The following ZDHHC17 variants were observed in gnomAD, a reference collection of about 807,000 sequenced individuals.
ZDHHC17 encodes zDHHC palmitoyltransferase 17, also known as palmitoyltransferase ZDHHC17.
A neutral mutation model predicts 90.3 loss-of-function variants in ZDHHC17; 40 were observed. That is an observed-to-expected ratio of 0.44 (90% CI 0.34 to 0.58). The LOEUF (loss-of-function observed/expected upper bound fraction) is 0.58, where lower values mean the gene tolerates loss of function less well. Among genes scored for constraint, ZDHHC17 ranks in the 20% least tolerant of loss-of-function variants. The probability of loss-of-function intolerance (pLI) is 0.01; values close to 1 mark genes in which losing one functional copy is unlikely to be tolerated. For missense variants in ZDHHC17, 614 were observed against 780.8 expected (o/e 0.79, Z 2.55); for synonymous variants, 235 against 252.4 (o/e 0.93, Z 0.65).
chr12:76,811,377 C>G, intron 5 of ZDHHC17, among the ~76,000 whole-genome samples: 1 of 149,812 alleles, frequency 6.7e-6, no homozygotes, highest in Middle Eastern at 3.2e-3. Flanking sequence ...TACACATTCA[C>G]TTTTTTACTT....
chr12:76,841,279 A>C, intron 10 of ZDHHC17, among the ~76,000 whole-genome samples: 1 of 152,180 alleles, frequency 6.6e-6, no homozygotes, highest in East Asian at 1.9e-4. Context: ...ATAATGTCAA[A>C]AAGTCTTATG....
chr12:76,766,993 T>C (rs571087648), intron 1 of ZDHHC17, among the ~76,000 whole-genome samples: 5 of 146,566 alleles, frequency 3.4e-5, no homozygotes, highest in Admixed American at 6.9e-5. Flanking sequence ...TACTCCATCC[T>C]GGGTGACAGA....
intron 7 of ZDHHC17, chr12:76,821,138 G>T: frequency 7.8e-7 from 1 of 1,283,832 alleles, no homozygotes; most frequent in East Asian, 5.6e-5. Context: ...TTCCCGGGGA[G>T]TTGTTACCCA....
chr12:76,803,867 A>G lies in ZDHHC17; in HGVS notation c.198-1450A>G, dbSNP rs148581923. Among the ~76,000 whole-genome samples, 357 of 152,308 alleles carry G rather than the reference A, an allele frequency of 2.3e-3. 3 individuals are homozygous for G. The highest frequency in any genetic ancestry group is 8.0e-3 in the African/African-American group (333 of 41,562). On this transcript the variant is annotated intron_variant, in intron 2 of 16. Transcript: ENST00000426126. ...TACCTCCATCTATTATAATCCACAGATTCATCAGTTATACTTGGGATGCCC... is the reference window on the plus strand; with the variant it reads ...TACCTCCATCTATTATAATCCACAGGTTCATCAGTTATACTTGGGATGCCC...
intron 1 of ZDHHC17, among the ~76,000 whole-genome samples, chr12:76,774,550 A>C (rs1358104213): frequency 6.6e-6 from 1 of 152,188 alleles, no homozygotes; most frequent in Non-Finnish European, 1.5e-5. Context: ...TATTATCTGT[A>C]AATCTCTTCT....
chr12:76,829,649 A>G (rs1953275607), intron 10 of ZDHHC17, among the ~76,000 whole-genome samples: 1 of 151,786 alleles, frequency 6.6e-6, no homozygotes. Flanking sequence ...GTATCAAACT[A>G]TTTTCGCTAA....
chr12:76,849,323 C>A lies in ZDHHC17; in HGVS notation c.1666-53C>A, dbSNP rs868515969. On this transcript the variant is annotated intron_variant, in intron 15 of 16. Transcript: ENST00000426126. Reference sequence around the variant, plus strand: ...TGGGTGACAGGGCAAGGTCCTGTCTCAAAAAAAAAAAAAAAAAACAAGAAT... The same window carrying A: ...TGGGTGACAGGGCAAGGTCCTGTCTAAAAAAAAAAAAAAAAAAACAAGAAT... The A allele has an allele frequency of 3.8e-3, 1,732 of 453,956 alleles. 4 individuals are homozygous for A. The highest frequency in any genetic ancestry group is 0.014 in the African/African-American group (395 of 28,026). The allele number at this position is 453,956 out of a possible 1,614,324, so 28.1% of individuals were successfully genotyped here.
chr12:76,796,447 C>T (rs1350456339), intron 1 of ZDHHC17, among the ~76,000 whole-genome samples: 4 of 151,994 alleles, frequency 2.6e-5, no homozygotes, highest in Admixed American at 6.5e-5. Context: ...TAGAAAATTA[C>T]AGCATGTAAA....
At chr12:76,794,614 G>A (rs1565773742) in intron 1 of ZDHHC17, among the ~76,000 whole-genome samples, 1 of 152,024 alleles carries the variant, frequency 6.6e-6, no homozygotes, top group East Asian at 1.9e-4. Flanking sequence ...TTTTACTAAG[G>A]AAATAAAAAC....
chr12:76,813,190 AC>A (rs1017660839), intron 5 of ZDHHC17: 57 of 294,146 alleles, frequency 1.9e-4, no homozygotes, highest in African/African-American at 1.2e-3. Context: ...CTTTAATTAG[AC>A]CTGAAATTTG....
intron 10 of ZDHHC17, among the ~76,000 whole-genome samples, chr12:76,831,447 T>C (rs752280748): frequency 1.2e-4 from 18 of 152,096 alleles, no homozygotes; most frequent in Non-Finnish European, 1.9e-4. Flanking sequence ...GCCTTCCAGG[T>C]TCACATGATT....
intron 2 of ZDHHC17, among the ~76,000 whole-genome samples, chr12:76,801,137 C>T (rs1383301898): frequency 2.8e-4 from 42 of 151,136 alleles, no homozygotes; most frequent in South Asian, 8.4e-4. Context: ...CCACCCTCCT[C>T]GGCCTCCCAA....
At chr12:76,809,993 G>A in intron 5 of ZDHHC17, 136 bp downstream of exon 5, 1 of 871,508 alleles carries the variant, frequency 1.1e-6, no homozygotes, top group Non-Finnish European at 1.7e-6. Flanking sequence ...AATATAGTGA[G>A]TTTGATATGG....
At chr12:76,845,652 C>T in intron 12 of ZDHHC17, 57 bp from the exon 13 acceptor site, 1 of 669,972 alleles carries the variant, frequency 1.5e-6, no homozygotes. Flanking sequence ...AATAAATAGT[C>T]AGCTTTTCTC....
chr12:76,801,434 A>G (rs10431471), intron 2 of ZDHHC17, among the ~76,000 whole-genome samples: 67,216 of 151,062 alleles, frequency 0.44, 15,295 homozygotes, highest in East Asian at 0.65. Context: ...CGGGTGGATC[A>G]CAAGGTCAGG....
intron 10 of ZDHHC17, among the ~76,000 whole-genome samples, chr12:76,839,680 C>G (rs1587112): frequency 0.61 from 92,216 of 151,318 alleles, 28,089 homozygotes; most frequent in East Asian, 0.67. Flanking sequence ...GTCTTTAATT[C>G]GGGGGCTGTT....
At chr12:76,801,969 A>T (rs1185732164) in intron 2 of ZDHHC17, among the ~76,000 whole-genome samples, 1 of 152,232 alleles carries the variant, frequency 6.6e-6, no homozygotes, top group East Asian at 1.9e-4. Context: ...CAAGTAGAAA[A>T]CAAAAAGCGG....
At chr12:76,791,137 A>G (rs2137737319) in intron 1 of ZDHHC17, among the ~76,000 whole-genome samples, 1 of 152,332 alleles carries the variant, frequency 6.6e-6, no homozygotes, top group Admixed American at 6.5e-5. Context: ...TGTTTCAGGT[A>G]GGTTGTAAGA....
chr12:76,826,000 G>C (rs976725091), intron 8 of ZDHHC17, among the ~76,000 whole-genome samples: 6 of 152,012 alleles, frequency 3.9e-5, no homozygotes, highest in African/African-American at 9.7e-5. Flanking sequence ...TGTATTTTTT[G>C]TAGAGACATG....
Sources: gnomAD v4.1 joint callset for allele counts (sites outside exome capture counted in the v4.1 genomes callset) on GRCh38, gnomAD v4.1.1 for gene constraint, MANE v1.5 for transcripts, NCBI Gene and HGNC (gene_info 2026-07-23, HGNC 2026-07-21) for gene names.